Variants in DPP6 observed in about 807,000 individuals in gnomAD.
DPP6 encodes A-type potassium channel modulatory protein DPP6.
Under a neutral mutation model 122.6 loss-of-function variants are expected in DPP6, and 69 were observed. The ratio of observed to expected loss-of-function variants is 0.56; its 90% confidence interval spans 0.46 to 0.69. The LOEUF is 0.69. DPP6 is among the 30% of genes least tolerant of loss of function. The probability of loss-of-function intolerance (pLI) is 0.00; values close to 1 mark genes in which losing one functional copy is unlikely to be tolerated. For synonymous variants in DPP6, 418 were observed against 433.1 expected (o/e 0.97, Z 0.43); for missense variants, 928 against 1,116.9 (o/e 0.83, Z 2.41).
chr7:154,218,405 G>A (rs577498849), intron 1 of DPP6, among the ~76,000 whole-genome samples: 1 of 152,236 alleles, frequency 6.6e-6, no homozygotes, highest in African/African-American at 2.4e-5. Flanking sequence ...CAGATTACTT[G>A]GCTAATTCAT....
At chr7:154,072,798 C>T (rs1410599413) in intron 1 of DPP6, among the ~76,000 whole-genome samples, 2 of 152,274 alleles carry the variant, frequency 1.3e-5, no homozygotes, top group East Asian at 3.8e-4. Context: ...CTTGATGTCC[C>T]TGGTGGTTCC....
At chr7:154,343,525 T>A (rs1397662447) in intron 1 of DPP6, among the ~76,000 whole-genome samples, 1 of 152,228 alleles carries the variant, frequency 6.6e-6, no homozygotes, top group African/African-American at 2.4e-5. Flanking sequence ...AGTGGACCTG[T>A]CCCCTGCAGG....
intron 3 of DPP6, among the ~76,000 whole-genome samples, chr7:154,498,714 A>C (rs1305665590): frequency 1.3e-5 from 2 of 152,014 alleles, no homozygotes; most frequent in African/African-American, 4.8e-5. Flanking sequence ...GGGTGTTCCA[A>C]CCTCAGCACT....
intron 3 of DPP6, among the ~76,000 whole-genome samples, chr7:154,501,659 T>C (rs931843339): frequency 6.6e-6 from 1 of 152,276 alleles, no homozygotes; most frequent in African/African-American, 2.4e-5. Context: ...AGAAGATGTA[T>C]GGAAACACCT....
chr7:153,749,937 C>T, the DPP6 span, among the ~76,000 whole-genome samples: 5,681 of 135,682 alleles, frequency 0.042, no homozygotes, highest in African/African-American at 0.16. The surrounding 1 kb of genome is among the most constrained non-coding windows in gnomAD (Gnocchi z 4.1). Context: ...ACTCTGTCAT[C>T]TTATTTTCGA....
At chr7:154,221,953 AG>A (rs1039753292) in intron 1 of DPP6, among the ~76,000 whole-genome samples, 1 of 152,046 alleles carries the variant, frequency 6.6e-6, no homozygotes, top group South Asian at 2.1e-4. Flanking sequence ...TAGATGAGTG[AG>A]GAAAAAAAAA....
At chr7:154,709,013 A>T (rs1840994914) in intron 7 of DPP6, among the ~76,000 whole-genome samples, 1 of 152,052 alleles carries the variant, frequency 6.6e-6, no homozygotes, top group Admixed American at 6.6e-5. Context: ...ATGCCACTGC[A>T]GTCCAGCCTC....
chr7:154,441,751 A>T (rs1423239950), intron 1 of DPP6, among the ~76,000 whole-genome samples: 1 of 152,216 alleles, frequency 6.6e-6, no homozygotes, highest in East Asian at 1.9e-4. Flanking sequence ...GTTCATAGAC[A>T]TTGTGGTGTC....
intron 1 of DPP6, among the ~76,000 whole-genome samples, chr7:154,232,081 C>A (rs1800951616): frequency 6.6e-6 from 1 of 152,054 alleles, no homozygotes; most frequent in African/African-American, 2.4e-5. Flanking sequence ...CAGTGGAGAG[C>A]AATAGCAATC....
intron 6 of DPP6, among the ~76,000 whole-genome samples, chr7:154,662,512 C>G (rs1837794477): frequency 2.4e-5 from 1 of 41,558 alleles, no homozygotes. Flanking sequence ...GGCGTATCGG[C>G]CGTAGTGTTC....
chr7:154,017,574 C>T (rs1297641916), intron 1 of DPP6, among the ~76,000 whole-genome samples: 1 of 151,406 alleles, frequency 6.6e-6, no homozygotes, highest in East Asian at 1.9e-4. Context: ...GTGGTATGTG[C>T]CTGTAGTCCC....
At chr7:153,956,844 G>GCA (rs1802483736) in intron 1 of DPP6, among the ~76,000 whole-genome samples, 1 of 152,076 alleles carries the variant, frequency 6.6e-6, no homozygotes, top group East Asian at 1.9e-4. Flanking sequence ...ACTTCATTGT[G>GCA]CAACACCATT....
intron 6 of DPP6, among the ~76,000 whole-genome samples, chr7:154,643,864 T>TTTTG (rs891842292): frequency 1.4e-4 from 22 of 152,138 alleles, no homozygotes; most frequent in African/African-American, 5.1e-4. Flanking sequence ...ATAGCTGAGT[T>TTTTG]TTTGTTTGTT....
intron 1 of DPP6, among the ~76,000 whole-genome samples, chr7:154,173,018 G>C (rs1037441630): frequency 2.6e-5 from 4 of 152,200 alleles, no homozygotes; most frequent in African/African-American, 9.7e-5. Context: ...TGGTAGGAAA[G>C]AGTAGGCTGC....
chr7:154,763,831 G>C (rs1430469951), intron 8 of DPP6, among the ~76,000 whole-genome samples: 2 of 152,212 alleles, frequency 1.3e-5, no homozygotes, highest in East Asian at 3.8e-4. Flanking sequence ...TGCGGCAGGA[G>C]GGTGTGGGGA....
At position 154,626,570 on chromosome 7, in the gene DPP6, G is replaced by T. The variant is rs146111915; in HGVS notation, c.628-11251G>T. Among the ~76,000 whole-genome samples the T allele has an allele frequency of 4.4e-3, 674 of 152,324 alleles. 7 individuals are homozygous for T. Among genetic ancestry groups the T allele is most frequent in the African/African-American group, 0.015 (639 of 41,574 alleles). Reference sequence around the variant, plus strand: ...GAAAAGAAGGAACTAAGGTATAATAGCGTTGGGTGTGGTATGGAAGTAGAA... The same window carrying T: ...GAAAAGAAGGAACTAAGGTATAATATCGTTGGGTGTGGTATGGAAGTAGAA... On this transcript the variant is annotated intron_variant, in intron 5 of 25. Coordinates refer to ENST00000377770, the MANE Select transcript of DPP6 (RefSeq NM_130797.4).
At chr7:153,767,152 T>C in the DPP6 span, among the ~76,000 whole-genome samples, 5 of 152,124 alleles carry the variant, frequency 3.3e-5, no homozygotes, top group Non-Finnish European at 7.4e-5. Context: ...AGCCCAGAAA[T>C]TCCTCCTTGA....
intron 3 of DPP6, among the ~76,000 whole-genome samples, chr7:154,501,747 G>A (rs1210758635): frequency 1.3e-5 from 2 of 152,160 alleles, no homozygotes; most frequent in East Asian, 1.9e-4. Context: ...GAAGGAAAAT[G>A]TGGGGTTGGA....
At chr7:154,018,823 C>T (rs1798553316) in intron 1 of DPP6, among the ~76,000 whole-genome samples, 1 of 152,134 alleles carries the variant, frequency 6.6e-6, no homozygotes, top group Non-Finnish European at 1.5e-5. Flanking sequence ...CCAGGGCCTC[C>T]TGAGCCTGTT....
Sources: gnomAD v4.1 joint callset for allele counts (sites outside exome capture counted in the v4.1 genomes callset) on GRCh38, gnomAD v4.1.1 for gene constraint, Gnocchi (gnomAD v3.1) non-coding constraint, MANE v1.5 for transcripts, NCBI Gene and HGNC (gene_info 2026-07-23, HGNC 2026-07-21) for gene names.